CNTNAP2: variants seen among roughly 807,000 people sequenced by gnomAD.
The protein encoded by CNTNAP2 is contactin associated protein 2, also known as contactin-associated protein-like 2.
Under a neutral mutation model 155.2 loss-of-function variants are expected in CNTNAP2, and 98 were observed. The observed-to-expected ratio is 0.63, with a 90% CI of 0.54 to 0.75. The LOEUF (loss-of-function observed/expected upper bound fraction) is 0.75. CNTNAP2 is among the 30% of genes least tolerant of loss of function. The probability of loss-of-function intolerance (pLI) is 0.00; values close to 1 mark genes in which losing one functional copy is unlikely to be tolerated. For synonymous variants in CNTNAP2, 651 were observed against 631.2 expected, an observed-to-expected ratio of 1.03 and a Z score of -0.47; for missense variants, 1,727 against 1,688.1, an observed-to-expected ratio of 1.02 and a Z score of -0.40.
intron 1 of CNTNAP2, among the ~76,000 whole-genome samples, chr7:146,517,205 A>G (rs2129136659): frequency 6.6e-6 from 1 of 152,094 alleles, no homozygotes; most frequent in Admixed American, 6.6e-5. Flanking sequence ...TTATCAGATC[A>G]AAGGAACGTA....
intron 3 of CNTNAP2, among the ~76,000 whole-genome samples, chr7:147,004,224 A>T (rs981784776): frequency 3.3e-5 from 5 of 150,502 alleles, no homozygotes; most frequent in Non-Finnish European, 7.4e-5. Flanking sequence ...AAAAAAAAAA[A>T]AAAGAAAAAG....
At chr7:147,275,081 A>G (rs35236057) in intron 8 of CNTNAP2, among the ~76,000 whole-genome samples, 6,503 of 152,148 alleles carry the variant, frequency 0.043, 158 homozygotes, top group Non-Finnish European at 0.052. Context: ...ATAATTTGAA[A>G]TCAGATAATG....
chr7:146,400,180 A>G (rs541714638), intron 1 of CNTNAP2, among the ~76,000 whole-genome samples: 1 of 152,124 alleles, frequency 6.6e-6, no homozygotes, highest in East Asian at 1.9e-4. Context: ...CCATCATGCT[A>G]TGAGTGACTC....
chr7:146,351,912 G>A (rs1306045210), intron 1 of CNTNAP2, among the ~76,000 whole-genome samples: 1 of 152,108 alleles, frequency 6.6e-6, no homozygotes, highest in Non-Finnish European at 1.5e-5. Context: ...TTGCTCTCTT[G>A]AGTTTTAAAA....
At chr7:146,686,619 G>A (rs1170839810) in intron 1 of CNTNAP2, among the ~76,000 whole-genome samples, 2 of 152,118 alleles carry the variant, frequency 1.3e-5, no homozygotes, top group Admixed American at 1.3e-4. Context: ...TAATTTTTAA[G>A]GAGTTCTAAT....
intron 3 of CNTNAP2, among the ~76,000 whole-genome samples, chr7:146,868,134 T>A (rs1019973425): frequency 6.6e-6 from 1 of 152,120 alleles, no homozygotes; most frequent in African/African-American, 2.4e-5. Context: ...GGTTGTTGTT[T>A]AGGTGTTTAT....
At position 147,108,237 on chromosome 7, in the gene CNTNAP2, TG is replaced by T; in HGVS notation, c.642del (p.Asn215ThrfsTer10). 6.2e-7 allele frequency: 1 copy of T among 1,613,834 alleles called. No individual in the cohort carries two copies. The highest frequency in any genetic ancestry group is 1.1e-5 in the South Asian group (1 of 91,076). ...AAAACACTGAAAGATGTCATTGCCT[TG>T]AACTTTAAGACGTCTGAAAGTGAAG... Reference protein sequence around the residue: ...KMKTLKDVIALNFKTSESEGV... With the variant: ...KMKTLKDVIAXNFKTSESEGV... On this transcript the variant is annotated frameshift_variant, in exon 5 of 24. Coordinates refer to ENST00000361727, the MANE Select transcript of CNTNAP2 (RefSeq NM_014141.6). LOFTEE classifies it high-confidence loss of function.
intron 15 of CNTNAP2, among the ~76,000 whole-genome samples, chr7:148,083,043 C>T (rs1803646731): frequency 6.6e-6 from 1 of 151,950 alleles, no homozygotes; most frequent in Admixed American, 6.6e-5. Context: ...CTGGGACAGT[C>T]ACATTATAAA....
intron 18 of CNTNAP2, chr7:148,189,785 A>G (rs1795175126): frequency 6.6e-6 from 1 of 152,212 alleles, no homozygotes; most frequent in African/African-American, 2.4e-5. Context: ...AGGCTCAGAA[A>G]TGGGTAGCCC....
At chr7:146,157,111 A>T (rs1798138891) in intron 1 of CNTNAP2, among the ~76,000 whole-genome samples, 2 of 152,214 alleles carry the variant, frequency 1.3e-5, no homozygotes, top group Non-Finnish European at 2.9e-5. Flanking sequence ...AGGTTAAAAT[A>T]ATCAAAAATA....
intron 12 of CNTNAP2, among the ~76,000 whole-genome samples, chr7:147,574,974 G>A (rs1800359729): frequency 6.6e-6 from 1 of 152,042 alleles, no homozygotes; most frequent in Non-Finnish European, 1.5e-5. Context: ...AAGTTGGGTT[G>A]GTTCTCATCT....
intron 9 of CNTNAP2, among the ~76,000 whole-genome samples, chr7:147,311,715 T>TC (rs199828252): frequency 6.8e-6 from 1 of 147,796 alleles, no homozygotes; most frequent in Non-Finnish European, 1.5e-5. Context: ...TGTTTTTTTT[T>TC]CCCCAACAAA....
Position 147,395,681 on chromosome 7 carries a change from T to C in CNTNAP2, c.1571T>C (p.Ile524Thr). ...QPSFQGCMQLIQVDDQLVNLY... is the reference protein window; with the variant it reads ...QPSFQGCMQLTQVDDQLVNLY... Reference sequence around the variant, plus strand: ...TCATTCCAAGGATGCATGCAGCTCATTCAAGTGGACGATCAACTTGTAAAT... The same window carrying C: ...TCATTCCAAGGATGCATGCAGCTCACTCAAGTGGACGATCAACTTGTAAAT... The change falls in exon 10 of 24, where the codon ATT becomes ACT. Residue 524 changes from isoleucine (I) to threonine (T), a missense_variant. Ile to Thr is a moderately conservative substitution (Grantham distance 89, BLOSUM62 -1). Transcript: ENST00000361727. 1 of 1,612,654 alleles carries C rather than the reference T, an allele frequency of 6.2e-7. No individual in the cohort carries two copies. Among genetic ancestry groups the C allele is most frequent in the Non-Finnish European group, 8.5e-7 (1 of 1,178,884 alleles).
intron 1 of CNTNAP2, among the ~76,000 whole-genome samples, chr7:146,377,782 T>G (rs188577921): frequency 2.0e-5 from 3 of 152,344 alleles, no homozygotes; most frequent in Non-Finnish European, 2.9e-5. Context: ...AAGATTTGCC[T>G]TGTAATAATT....
chr7:147,949,199 T>TAAAAA (rs980635514), intron 14 of CNTNAP2, among the ~76,000 whole-genome samples: 4 of 148,604 alleles, frequency 2.7e-5, no homozygotes, highest in Admixed American at 2.0e-4. Context: ...AAACTCCGTC[T>TAAAAA]AAAAAAAAAG....
At chr7:148,140,673 C>T (rs1805047479) in intron 16 of CNTNAP2, among the ~76,000 whole-genome samples, 1 of 152,156 alleles carries the variant, frequency 6.6e-6, no homozygotes, top group Non-Finnish European at 1.5e-5. Flanking sequence ...CCACCCGCCT[C>T]AGCATCCCAA....
At chr7:147,061,166 A>G (rs1799662860) in intron 4 of CNTNAP2, among the ~76,000 whole-genome samples, 1 of 152,192 alleles carries the variant, frequency 6.6e-6, no homozygotes, top group Non-Finnish European at 1.5e-5. Context: ...CATGAAGTTG[A>G]GCAAGATGAA....
chr7:146,875,586 A>C (rs1004941200), intron 3 of CNTNAP2, among the ~76,000 whole-genome samples: 5 of 152,102 alleles, frequency 3.3e-5, no homozygotes, highest in Non-Finnish European at 2.9e-5. Context: ...CCTGTCTTCC[A>C]GCTTCTGTGG....
chr7:147,249,315 T>C (rs1359200777), intron 8 of CNTNAP2, among the ~76,000 whole-genome samples: 1 of 152,146 alleles, frequency 6.6e-6, no homozygotes. Flanking sequence ...TTCATGCATA[T>C]GCAGAGATTT....
Sources: gnomAD v4.1 joint callset for allele counts (sites outside exome capture counted in the v4.1 genomes callset) on GRCh38, gnomAD v4.1.1 for gene constraint, MANE v1.5 for transcripts, NCBI Gene and HGNC (gene_info 2026-07-23, HGNC 2026-07-21) for gene names.